Variants in LCORL observed in about 807,000 individuals in gnomAD.
LCORL encodes the protein ligand-dependent nuclear receptor corepressor-like protein.
Under a neutral mutation model 141.8 loss-of-function variants are expected in LCORL, and 41 were observed. That is an observed-to-expected ratio of 0.29 (90% CI 0.23 to 0.38). The LOEUF (loss-of-function observed/expected upper bound fraction) is 0.38. LCORL is among the 10% of genes least tolerant of loss of function. The pLI is 1.00. For synonymous variants in LCORL, 618 were observed against 694.1 expected (o/e 0.89, Z 1.72); for missense variants, 1,759 against 2,035.0 (o/e 0.86, Z 2.61).
intron 4 of LCORL, among the ~76,000 whole-genome samples, chr4:17,924,767 G>A (rs1237318411): frequency 3.9e-5 from 6 of 152,162 alleles, no homozygotes; most frequent in Admixed American, 1.3e-4. Context: ...GTCTTACCAT[G>A]TTCCCCATCA....
intron 7 of LCORL, among the ~76,000 whole-genome samples, chr4:17,861,004 T>C (rs1048179332): frequency 6.6e-6 from 1 of 152,182 alleles, no homozygotes; most frequent in Non-Finnish European, 1.5e-5. Flanking sequence ...GCTGCTTTCA[T>C]GGGATGGCTT....
intron 1 of LCORL, among the ~76,000 whole-genome samples, chr4:17,998,985 A>AAAT (rs1374815646): frequency 1.6e-4 from 9 of 57,898 alleles, no homozygotes; most frequent in African/African-American, 4.9e-4. Context: ...AAAAAAAAAA[A>AAAT]ATATATATAT....
intron 1 of LCORL, among the ~76,000 whole-genome samples, chr4:18,013,721 T>G (rs1343512610): frequency 6.6e-6 from 1 of 152,194 alleles, no homozygotes; most frequent in African/African-American, 2.4e-5. Flanking sequence ...TTGCACATAC[T>G]AGTCAGAAAA....
In LCORL at chr4:18,003,094, T is replaced by G. The variant is rs114851158; in HGVS notation, c.154+18504A>C. Among the ~76,000 whole-genome samples the G allele has an allele frequency of 5.4e-3, 822 of 152,248 alleles. 6 individuals are homozygous for G. The highest frequency in any genetic ancestry group is 0.019 in the African/African-American group (783 of 41,554). On this transcript the variant is annotated intron_variant, in intron 1 of 7. Transcript: ENST00000635767. ...CCATGGTTTCTGCCACACTGCAAAT[T>G]TGGGGGTGCTATAATTTTCCAAGAA...
intron 1 of LCORL, among the ~76,000 whole-genome samples, chr4:17,992,381 G>A (rs910074645): frequency 2.0e-5 from 3 of 152,142 alleles, no homozygotes; most frequent in African/African-American, 7.2e-5. Context: ...CCTAACACGT[G>A]GGGATTACAA....
intron 1 of LCORL, among the ~76,000 whole-genome samples, chr4:18,004,817 TG>T (rs1234725127): frequency 6.6e-6 from 1 of 151,922 alleles, no homozygotes; most frequent in African/African-American, 2.4e-5. Context: ...GCAGATACAA[TG>T]GGGGTAACAG....
chr4:17,998,988 ATATATAT>A (rs1721426992), intron 1 of LCORL, among the ~76,000 whole-genome samples: 1 of 53,956 alleles, frequency 1.9e-5, no homozygotes, highest in African/African-American at 6.6e-5. Context: ...AAAAAAAAAT[ATATATAT>A]ATATATATAC....
chr4:17,906,064 A>C (rs1208613884), intron 5 of LCORL, among the ~76,000 whole-genome samples: 1 of 152,244 alleles, frequency 6.6e-6, no homozygotes, highest in Non-Finnish European at 1.5e-5. Flanking sequence ...TTAGCAAGAC[A>C]TTTAAAAATT....
At chr4:17,954,552 T>C (rs958719239) in intron 4 of LCORL, among the ~76,000 whole-genome samples, 2 of 150,544 alleles carry the variant, frequency 1.3e-5, no homozygotes, top group African/African-American at 4.9e-5. Flanking sequence ...TTTAGAAACA[T>C]CATTTTTCTT....
At chr4:17,943,649 T>G (rs184789419) in intron 4 of LCORL, among the ~76,000 whole-genome samples, 1 of 152,290 alleles carries the variant, frequency 6.6e-6, no homozygotes, top group Admixed American at 6.5e-5. Context: ...AAATCAAGGA[T>G]AAAGTAAGTG....
chr4:17,877,223 A>C, exon 7 of LCORL: 3 of 1,230,186 alleles, frequency 2.4e-6, no homozygotes, highest in Non-Finnish European at 3.0e-6. Context: ...TATCATGTTG[A>C]CTCAATAATT....
intron 4 of LCORL, among the ~76,000 whole-genome samples, chr4:17,944,758 T>C (rs1738576040): frequency 2.0e-5 from 3 of 152,196 alleles, no homozygotes; most frequent in African/African-American, 7.2e-5. Flanking sequence ...TAATAACCCC[T>C]ACCTATACGC....
chr4:17,854,589 AAC>A (rs1438148045), intron 7 of LCORL, among the ~76,000 whole-genome samples: 1 of 152,176 alleles, frequency 6.6e-6, no homozygotes, highest in East Asian at 1.9e-4. Context: ...TAGCCAGGTA[AAC>A]ACAGTTTCTA....
rs973778620 is a variant in LCORL, at chr4:17,939,462, A to G, written c.430+22441T>C. On this transcript the variant is annotated intron_variant, in intron 4 of 7. Coordinates refer to ENST00000635767, the Ensembl canonical transcript of LCORL. Reference sequence around the variant, plus strand: ...CCCATAACCCAGCAATTCTACTCATAGGTATTTTCCCATGAGAAATGGAAC... The same window carrying G: ...CCCATAACCCAGCAATTCTACTCATGGGTATTTTCCCATGAGAAATGGAAC... 3.9e-5 allele frequency among the ~76,000 whole-genome samples: 6 copies of G among 152,302 alleles called. No homozygotes were observed. The South Asian group carries it at 1.2e-3, about 32-fold the overall frequency.
At chr4:17,857,219 C>G (rs1048976014) in intron 7 of LCORL, among the ~76,000 whole-genome samples, 3 of 151,168 alleles carry the variant, frequency 2.0e-5, no homozygotes, top group Admixed American at 6.6e-5. Context: ...TTCACGAAGT[C>G]CCAGGTGACT....
intron 1 of LCORL, among the ~76,000 whole-genome samples, chr4:17,990,912 A>G (rs1719900811): frequency 6.6e-6 from 1 of 152,296 alleles, no homozygotes; most frequent in African/African-American, 2.4e-5. Flanking sequence ...AATAAAAGGC[A>G]TTTTGTATGG....
At chr4:17,982,331 C>T (rs1206924952) in intron 1 of LCORL, among the ~76,000 whole-genome samples, 2 of 152,070 alleles carry the variant, frequency 1.3e-5, no homozygotes, top group Non-Finnish European at 2.9e-5. Flanking sequence ...GGTAGTTCTG[C>T]TTTTAGCTCT....
At chr4:17,944,371 C>T (rs1253199788) in intron 4 of LCORL, among the ~76,000 whole-genome samples, 2 of 152,092 alleles carry the variant, frequency 1.3e-5, no homozygotes, top group East Asian at 3.8e-4. Context: ...ATATTTATTT[C>T]TGTAAGAAAG....
At chr4:17,891,280 C>T (rs1053646838) in intron 5 of LCORL, among the ~76,000 whole-genome samples, 56 of 152,030 alleles carry the variant, frequency 3.7e-4, no homozygotes, top group African/African-American at 9.2e-4. Flanking sequence ...GAGGCTGAGA[C>T]GGAAGAATTA....
Sources: allele counts gnomAD v4.1 joint callset (sites outside exome capture counted in the v4.1 genomes callset), GRCh38; gene constraint gnomAD v4.1.1; transcripts MANE v1.5; gene names NCBI Gene and HGNC (gene_info 2026-07-23, HGNC 2026-07-21).